Variants in OC90 observed in about 807,000 individuals in gnomAD.
OC90 encodes otoconin 90.
OC90 carries 46 observed loss-of-function variants against 47.3 expected under a neutral mutation model. That is an observed-to-expected ratio of 0.97 (90% confidence interval 0.77 to 1.24). OC90 has a LOEUF of 1.24. Among genes scored for constraint, OC90 ranks in the 50% most tolerant of loss-of-function variants. The probability of loss-of-function intolerance (pLI) is 0.00; values close to 1 mark genes in which losing one functional copy is unlikely to be tolerated. For synonymous variants in OC90, 271 were observed against 219.5 expected, an observed-to-expected ratio of 1.23 and a Z score of -2.07; for missense variants, 688 against 583.9, an observed-to-expected ratio of 1.18 and a Z score of -1.84.
At chr8:132,054,571 A>G (rs1206264531) in intron 2 of OC90, among the ~76,000 whole-genome samples, 1 of 152,172 alleles carries the variant, frequency 6.6e-6, no homozygotes, top group Non-Finnish European at 1.5e-5. Context: ...GTGGTCACAC[A>G]CTTACCCTTG....
At position 132,024,546 on chromosome 8, in the gene OC90, T is replaced by A; in HGVS notation, c.1369A>T (p.Arg457Ter). ...GACTTCCGCAGAAACCTCTTGGCTC[T>A]GCCGAGGTCCTCCTGTGGAGGGTCC... ...EEDPPQEDLG[R>*]AKRFLRKSLG... The change falls in exon 14 of 14, where the codon AGA becomes TGA. Residue 457 changes from arginine to a stop codon, truncating the protein, a stop_gained. Transcript: ENST00000254627. LOFTEE classifies it low-confidence loss of function (END_TRUNC). 6.2e-7 allele frequency: 1 copy of A among 1,608,174 alleles called. No homozygotes were observed. Among genetic ancestry groups the A allele is most frequent in the Non-Finnish European group, 8.5e-7 (1 of 1,175,878 alleles).
chr8:132,050,747 T>C (rs1044727593), intron 2 of OC90, among the ~76,000 whole-genome samples: 3 of 152,088 alleles, frequency 2.0e-5, no homozygotes, highest in African/African-American at 7.2e-5. Context: ...ACAACTGTAA[T>C]CCCAGCACTT....
chr8:132,032,355 A>T (rs1292642689), intron 11 of OC90, among the ~76,000 whole-genome samples: 1 of 152,158 alleles, frequency 6.6e-6, no homozygotes, highest in Non-Finnish European at 1.5e-5. Flanking sequence ...TTGGGGCCAC[A>T]TCTTATTACT....
chr8:132,043,068 T>C lies in OC90; in HGVS notation c.169+1365A>G, dbSNP rs1287325189. On this transcript the variant is annotated intron_variant, in intron 4 of 13. Coordinates refer to ENST00000254627, the MANE Select transcript of OC90 (RefSeq NM_001080399.3). ...AGAAAATGTGGTACAAATATCTTTA[T>C]TATTTGAGTCACTATTAGTTCACTG... Among the ~76,000 whole-genome samples the C allele has an allele frequency of 6.6e-5, 10 of 152,216 alleles. No individual in the cohort carries two copies. The East Asian group carries it at 1.7e-3, about 26-fold the overall frequency.
chr8:132,054,602 C>G (rs1293805142), intron 2 of OC90, among the ~76,000 whole-genome samples: 3 of 152,160 alleles, frequency 2.0e-5, no homozygotes, highest in Non-Finnish European at 4.4e-5. Flanking sequence ...GGCTGCAGGT[C>G]AAGCATGTTC....
intron 12 of OC90, among the ~76,000 whole-genome samples, chr8:132,030,085 G>C (rs1212740030): frequency 6.6e-6 from 1 of 152,158 alleles, no homozygotes; most frequent in Non-Finnish European, 1.5e-5. Flanking sequence ...CCACTGGCTA[G>C]AGTTCAGCGT....
chr8:132,041,642 A>T lies in OC90; in HGVS notation c.227T>A (p.Leu76Gln), dbSNP rs772897229. ...CTTCATACCATTGACAAACTGGATC[A>T]GCACAGGGAAATTGGTGAAGACAGC... ...LQAVFTNFPV[L>Q]IQFVNGMKCV... is the part of the protein sequence containing the mutation. The change falls in exon 5 of 14, where the codon CTG (leucine) becomes CAG (glutamine). Residue 76 changes from leucine (L) to glutamine (Q), a missense_variant. Coordinates refer to ENST00000254627, the MANE Select transcript of OC90 (RefSeq NM_001080399.3). The T allele has an allele frequency of 6.2e-7, 1 of 1,609,126 alleles. No homozygotes were observed. Among genetic ancestry groups the T allele is most frequent in the Admixed American group, 1.7e-5 (1 of 59,718 alleles).
intron 6 of OC90, among the ~76,000 whole-genome samples, chr8:132,039,672 C>T (rs1051675472): frequency 1.3e-5 from 2 of 152,168 alleles, no homozygotes; most frequent in Admixed American, 1.3e-4. Flanking sequence ...CTCTTCCACT[C>T]CCTCCTCATC....
chr8:132,054,553 T>C (rs1438172725), intron 2 of OC90, among the ~76,000 whole-genome samples: 10 of 152,204 alleles, frequency 6.6e-5, no homozygotes, highest in Admixed American at 5.9e-4. Context: ...AGCAGTCTTA[T>C]CTCAGTGGTG....
At chr8:132,029,745 T>G (rs1563728222) in intron 12 of OC90, among the ~76,000 whole-genome samples, 1 of 152,110 alleles carries the variant, frequency 6.6e-6, no homozygotes, top group African/African-American at 2.4e-5. Context: ...TACATGAAAA[T>G]GAGTCAATGT....
At chr8:132,035,371 C>T (rs780384453) in intron 9 of OC90, among the ~76,000 whole-genome samples, 9 of 152,186 alleles carry the variant, frequency 5.9e-5, no homozygotes, top group Non-Finnish European at 1.5e-5. Context: ...GTTCTATGCT[C>T]ACCCTCATTC....
In OC90 at chr8:132,031,935, T is replaced by A. The variant is rs749386747; in HGVS notation, c.977A>T (p.Tyr326Phe). The change falls in exon 12 of 14, where the codon TAT (tyrosine) becomes TTT (phenylalanine). Residue 326 changes from tyrosine (Y) to phenylalanine (F), a missense_variant. Coordinates refer to ENST00000254627, the MANE Select transcript of OC90 (RefSeq NM_001080399.3). Reference sequence around the variant, plus strand: ...TCCTTCTTGTCCACAGTAACAGCCATAAGACTCAAATTCCTCCGGGCACCG... The same window carrying A: ...TCCTTCTTGTCCACAGTAACAGCCAAAAGACTCAAATTCCTCCGGGCACCG... ...TSRCPEEFES[Y>F]GCYCGQEGRG... The A allele has an allele frequency of 2.5e-6, 4 of 1,613,868 alleles. No homozygotes were observed. The African/African-American group carries it at 5.3e-5, about 22-fold the overall frequency.
rs1823052649 is a variant in OC90 at position 132,041,543 on chromosome 8, G to A, written c.326C>T (p.Pro109Leu). 6.2e-7 allele frequency: 1 copy of A among 1,611,962 alleles called. No individual in the cohort carries two copies. Among genetic ancestry groups the A allele is most frequent in the Non-Finnish European group, 8.5e-7 (1 of 1,179,078 alleles). ...CACTTACCTGTCAGATTCATCCACAGGCAACCCTTCCATCTCAAACCTGCA... is the reference window on the plus strand; with the variant it reads ...CACTTACCTGTCAGATTCATCCACAAGCAACCCTTCCATCTCAAACCTGCA... ...CTCRFEMEGL[P>L]VDESDSCCFQ... is the part of the protein sequence containing the mutation. The change falls in exon 5 of 14, where the codon CCT becomes CTT. Residue 109 changes from proline to leucine, a missense_variant. Pro to Leu is a moderately conservative substitution (Grantham distance 98). Coordinates refer to ENST00000254627, the MANE Select transcript of OC90 (RefSeq NM_001080399.3).
In OC90 at chr8:132,040,932, C is replaced by T. The variant is rs1358294493; in HGVS notation, c.457+112G>A. The T allele has an allele frequency of 1.1e-5, 8 of 714,784 alleles. No individual in the cohort carries two copies. The Admixed American group carries it at 1.4e-4, about 13-fold the overall frequency. 44.3% of individuals were successfully genotyped at this position (714,784 alleles called of 1,614,324 possible). ...CTCTAAGTGCTGCCAACGATGCTGC[C>T]AGTGGTGACGATGATGTGAGAGGAT... On this transcript the variant is annotated intron_variant, in intron 6 of 13. Transcript: ENST00000254627.
chr8:132,033,382 C>T (rs146853732), intron 10 of OC90, among the ~76,000 whole-genome samples: 234 of 152,316 alleles, frequency 1.5e-3, no homozygotes, highest in African/African-American at 5.3e-3. Context: ...GGAGCCTGTG[C>T]TAGACCACCT....
chr8:132,026,742 A>G (rs965407725), intron 13 of OC90, among the ~76,000 whole-genome samples: 1 of 152,196 alleles, frequency 6.6e-6, no homozygotes, highest in African/African-American at 2.4e-5. Context: ...CCAGCAGGTG[A>G]GACCTCCTGG....
intron 3 of OC90, among the ~76,000 whole-genome samples, 157 bp from the exon 4 acceptor site, chr8:132,044,646 A>G (rs1304225261): frequency 2.0e-5 from 3 of 152,218 alleles, no homozygotes; most frequent in African/African-American, 7.2e-5. Flanking sequence ...ACAGGTTACC[A>G]TGGAAACCTG....
rs1823043239 is a variant in OC90, at chr8:132,040,957, T to G, written c.457+87A>C. On this transcript the variant is annotated intron_variant, in intron 6 of 13. Transcript: ENST00000254627. ...CAGTGGTGACGATGATGTGAGAGGA[T>G]CACAATGCCCTCAGCCTGGTCCAGG... 4.9e-6 allele frequency: 4 copies of G among 816,426 alleles called. No individual in the cohort carries two copies. In the Admixed American group the frequency reaches 7.2e-5, roughly 15 times the overall value. 50.6% of individuals were successfully genotyped at this position (816,426 alleles called of 1,614,324 possible). A position where few individuals can be genotyped will look rare whatever the true frequency, so the allele number is the denominator to read the frequency against.
chr8:132,046,199 G>C (rs1823131055), intron 2 of OC90, among the ~76,000 whole-genome samples: 1 of 152,066 alleles, frequency 6.6e-6, no homozygotes, highest in African/African-American at 2.4e-5. Flanking sequence ...TAGATTGCAG[G>C]TTTGTTTTGG....
Sources: gnomAD v4.1 joint callset for allele counts (sites outside exome capture counted in the v4.1 genomes callset) on GRCh38, gnomAD v4.1.1 for gene constraint, MANE v1.5 for transcripts, NCBI Gene and HGNC (gene_info 2026-07-23, HGNC 2026-07-21) for gene names.